The following ABCC2 variants were observed in gnomAD, a reference collection of about 807,000 sequenced individuals.
ABCC2 encodes ATP-binding cassette sub-family C member 2.
Under a neutral mutation model 173.4 loss-of-function variants are expected in ABCC2, and 157 were observed. The observed-to-expected ratio is 0.91, with a 90% CI of 0.80 to 1.03. The LOEUF is 1.03. Among genes scored for constraint, ABCC2 ranks in the 50% least tolerant of loss-of-function variants. ABCC2 has a pLI of 0.00. For synonymous variants in ABCC2, 657 were observed against 693.5 expected (o/e 0.95, Z 0.83); for missense variants, 1,822 against 1,852.3 (o/e 0.98, Z 0.30).
At chr10:99,793,466 C>G in intron 3 of ABCC2, 85 bp from the exon 4 acceptor site, 12 of 1,585,588 alleles carry the variant, frequency 7.6e-6, no homozygotes, top group South Asian at 1.1e-5. Flanking sequence ...GCCCTCCTTT[C>G]TTCCCATGTT....
Position 99,807,404 on chromosome 10 carries a change from G to A in ABCC2, c.1551G>A (p.Trp517Ter). The stretch of plus-strand genomic sequence containing the variant: ...ATTAGATCCTGAAATATTTTGCCTG[G>A]GAACCTTCATTCAGAGACCAAGTAC... Reference protein sequence around the residue: ...SGIKILKYFAWEPSFRDQVQN... With the variant: ...SGIKILKYFA The change falls in exon 12 of 32, where the codon TGG becomes TGA. Residue 517 changes from tryptophan (W) to a stop codon, truncating the protein, a stop_gained. Coordinates refer to ENST00000647814, the MANE Select transcript of ABCC2 (RefSeq NM_000392.5). LOFTEE classifies it high-confidence loss of function. 6.2e-7 allele frequency: 1 copy of A among 1,613,962 alleles called. No individual in the cohort carries two copies. The highest frequency in any genetic ancestry group is 8.5e-7 in the Non-Finnish European group (1 of 1,179,970).
At chr10:99,835,265 C>T (rs556649309) in intron 24 of ABCC2, among the ~76,000 whole-genome samples, 1 of 152,292 alleles carries the variant, frequency 6.6e-6, no homozygotes, top group East Asian at 1.9e-4. Flanking sequence ...GGCGGCTCGC[C>T]CCCATGTCCG....
chr10:99,834,486 T>A lies in ABCC2; in HGVS notation c.3365T>A (p.Val1122Asp), dbSNP rs1487303697. The A allele has an allele frequency of 1.2e-6, 2 of 1,614,102 alleles. No individual in the cohort carries two copies. The highest frequency in any genetic ancestry group is 1.7e-6 in the Non-Finnish European group (2 of 1,180,042). ...TLVMICMATPVFTIIVIPLGI... is the reference protein window; with the variant it reads ...TLVMICMATPDFTIIVIPLGI... ...GTCATGATCTGCATGGCCACTCCTG[T>A]CTTCACCATCATCGTCATTCCTCTT... is the stretch of plus-strand genomic sequence containing the variant. Residue 1122 changes from valine to aspartate, a missense_variant, in exon 24 of 32, where the codon GTC becomes GAC. Val to Asp is a radical substitution (Grantham distance 152). Coordinates refer to ENST00000647814, the MANE Select transcript of ABCC2 (RefSeq NM_000392.5).
At chr10:99,813,411 T>C (rs1321046321) in intron 16 of ABCC2, among the ~76,000 whole-genome samples, 1 of 152,178 alleles carries the variant, frequency 6.6e-6, no homozygotes, top group East Asian at 1.9e-4. Context: ...AGAGAGGTCT[T>C]CCTTCAAAAT....
intron 19 of ABCC2, among the ~76,000 whole-genome samples, chr10:99,829,629 A>G (rs1374605535): frequency 6.6e-6 from 1 of 152,134 alleles, no homozygotes; most frequent in Non-Finnish European, 1.5e-5. Context: ...GAATTTCAAG[A>G]TGAGCATTTT....
intron 2 of ABCC2, chr10:99,789,203 G>C (rs1452076660): frequency 6.6e-6 from 1 of 152,338 alleles, no homozygotes; most frequent in East Asian, 1.9e-4. Flanking sequence ...TCTGGGACTA[G>C]TGGAAGAATT....
At position 99,797,250 on chromosome 10, in the gene ABCC2, G is replaced by A; in HGVS notation, c.786G>A (p.Glu262=). 15 of 1,614,164 alleles carry A rather than the reference G, an allele frequency of 9.3e-6. No homozygotes were observed. The highest frequency in any genetic ancestry group is 1.2e-5 in the Non-Finnish European group (14 of 1,180,000). The change falls in exon 7 of 32, where the codon GAG becomes GAA. Residue 262 remains glutamate, a synonymous_variant. Transcript: ENST00000647814. ...GGCGGGCACTCCAGAGACGGCAGGA[G>A]AAGAGCTCCCAGCAGAACTCTGGAG... is the stretch of plus-strand genomic sequence containing the variant. The part of the protein sequence containing the change: ...KARRALQRRQ[E]KSSQQNSGAR...
At chr10:99,850,259 T>C (rs1435311369) in intron 30 of ABCC2, among the ~76,000 whole-genome samples, 1 of 152,214 alleles carries the variant, frequency 6.6e-6, no homozygotes, top group East Asian at 1.9e-4. Context: ...CAAAGCATGG[T>C]TCCTGGGCCA....
rs186140827 is a variant in ABCC2, at chr10:99,847,597, C to T, written c.4313+470C>T. Among the ~76,000 whole-genome samples, 293 of 142,308 alleles carry T rather than the reference C, an allele frequency of 2.1e-3. 1 individual carries two copies. The highest frequency in any genetic ancestry group is 1.4e-3 in the Non-Finnish European group (96 of 66,218). 93.4% of individuals were successfully genotyped at this position (142,308 alleles called of 152,430 possible). ...CAGCCTGGGCAACAGAGCAAGACTC[C>T]GTCTAAAAAAAAAAAATCAACTCTT... is the stretch of plus-strand genomic sequence containing the variant. On this transcript the variant is annotated intron_variant, in intron 30 of 31. Transcript: ENST00000647814.
chr10:99,800,555 TATAAGA>T lies in ABCC2; in HGVS notation c.1203_1208del (p.Tyr401_Lys403delinsTer), dbSNP rs764229326. On this transcript the variant is annotated stop_gained and inframe_deletion and splice_region_variant, in exon 9 of 32. Transcript: ENST00000647814. LOFTEE classifies it high-confidence loss of function. ...ACGGACAGCTATCATGGCTTCTGTA[TATAAGA>T]AGGTAAGCAGAATACGGCAGGTATC... 2 of 1,614,076 alleles carry T rather than the reference TATAAGA, an allele frequency of 1.2e-6. No individual in the cohort carries two copies. Among genetic ancestry groups the T allele is most frequent in the Admixed American group, 3.3e-5 (2 of 60,016 alleles).
intron 16 of ABCC2, 38 bp downstream of exon 16, chr10:99,813,182 G>A (rs191781648): frequency 3.8e-5 from 61 of 1,608,476 alleles, no homozygotes; most frequent in Middle Eastern, 2.0e-4. Flanking sequence ...TCTGACTCCC[G>A]AATGTCAGCA....
At chr10:99,802,512 TCCCC>T (rs2038030940) in intron 9 of ABCC2, among the ~76,000 whole-genome samples, 1 of 142,386 alleles carries the variant, frequency 7.0e-6, no homozygotes, top group Non-Finnish European at 1.5e-5. Flanking sequence ...TTTTTTTTTT[TCCCC>T]TCTTCCATAC....
chr10:99,833,628 G>A (rs7898096), intron 23 of ABCC2, among the ~76,000 whole-genome samples: 4,854 of 152,138 alleles, frequency 0.032, 253 homozygotes, highest in African/African-American at 0.11. Context: ...GCCAACTGTG[G>A]GTATAGTTAT....
rs773187527 is a variant in ABCC2, at chr10:99,850,607, G to GC, written c.4321dup (p.Gln1441ProfsTer22). On this transcript the variant is annotated frameshift_variant, in exon 31 of 32. Transcript: ENST00000647814. LOFTEE classifies it high-confidence loss of function. ...GTTGCTTCTATTGGCTGCAGCATAG[G>GC]CCAGAGGCAGCTGCTGTGCCTGGGC... 3 of 1,613,916 alleles carry GC rather than the reference G, an allele frequency of 1.9e-6. No homozygotes were observed. The African/African-American group carries it at 4.0e-5, about 22-fold the overall frequency.
In ABCC2 at chr10:99,782,730, G is replaced by T; in HGVS notation, c.-115G>T. On this transcript the variant is annotated 5_prime_UTR_variant, in exon 1 of 32. Coordinates refer to ENST00000647814, the MANE Select transcript of ABCC2 (RefSeq NM_000392.5). The stretch of plus-strand genomic sequence containing the variant: ...GGGATGAAAGGTCATCCTTTACGGA[G>T]AACATCAGAATGGTAGATAATTCCT... The T allele has an allele frequency of 8.2e-7, 1 of 1,216,048 alleles. No homozygotes were observed. Among genetic ancestry groups the T allele is most frequent in the South Asian group, 1.2e-5 (1 of 80,700 alleles). 75.3% of individuals were successfully genotyped at this position (1,216,048 alleles called of 1,614,324 possible).
At position 99,851,616 on chromosome 10, in the gene ABCC2, C is replaced by T. The variant is rs1470949337; in HGVS notation, c.4623C>T (p.Asn1541=). ...AGGAAGCTGGCATTGAGAATGTGAA[C>T]AGCACAAAATTCTAGCAGAAGGCCC... ...MAKEAGIENV[N]STKF is the part of the protein sequence containing the mutation. Residue 1541 remains asparagine (N), a synonymous_variant, in exon 32 of 32, where the codon AAC becomes AAT. Coordinates refer to ENST00000647814, the MANE Select transcript of ABCC2 (RefSeq NM_000392.5). 14 of 1,613,920 alleles carry T rather than the reference C, an allele frequency of 8.7e-6. No individual in the cohort carries two copies. The highest frequency in any genetic ancestry group is 1.7e-5 in the Admixed American group (1 of 59,996).
chr10:99,846,872 A>G, intron 29 of ABCC2, 89 bp from the exon 30 acceptor site: 1 of 1,536,694 alleles, frequency 6.5e-7, no homozygotes, highest in Non-Finnish European at 9.0e-7. Context: ...ATCTCAGGCC[A>G]GTCCTATCCA....
In ABCC2 at chr10:99,836,218, G is replaced by A. The variant is rs8187692; in HGVS notation, c.3542G>A (p.Arg1181Gln). 661 of 1,614,030 alleles carry A rather than the reference G, an allele frequency of 4.1e-4. No homozygotes were observed. Among genetic ancestry groups the A allele is most frequent in the Non-Finnish European group, 5.1e-4 (600 of 1,180,046 alleles). Residue 1181 changes from arginine to glutamine, a missense_variant, in exon 25 of 32, where the codon CGA becomes CAA. Arg to Gln is a conservative substitution (Grantham distance 43, BLOSUM62 1). Coordinates refer to ENST00000647814, the MANE Select transcript of ABCC2 (RefSeq NM_000392.5). ...ATCCGTGCCTTTGAGCACCAGCAGC[G>A]ATTTCTGAAACACAATGAGGTGAGG... is the stretch of plus-strand genomic sequence containing the variant. ...PVIRAFEHQQ[R>Q]FLKHNEVRID...
At chr10:99,821,993 TAGG>T (rs2038547126) in intron 19 of ABCC2, among the ~76,000 whole-genome samples, 1 of 152,136 alleles carries the variant, frequency 6.6e-6, no homozygotes, top group South Asian at 2.1e-4. Flanking sequence ...CCTAGGCAAA[TAGG>T]AGGATAACGA....
Sources: allele counts gnomAD v4.1 joint callset (sites outside exome capture counted in the v4.1 genomes callset), GRCh38; gene constraint gnomAD v4.1.1; transcripts MANE v1.5; gene names NCBI Gene and HGNC (gene_info 2026-07-23, HGNC 2026-07-21).